Variants in UGT1A9 observed in about 807,000 individuals in gnomAD.
UGT1A9 encodes the protein UDP glucuronosyltransferase family 1 member A9.
A neutral mutation model predicts 45.0 loss-of-function variants in UGT1A9; 35 were observed. The ratio of observed to expected loss-of-function variants is 0.78; its 90% CI spans 0.59 to 1.03. The LOEUF is 1.03. Among genes scored for constraint, UGT1A9 ranks in the 50% least tolerant of loss-of-function variants. The pLI is 0.00. For synonymous variants in UGT1A9, 278 were observed against 250.6 expected, an observed-to-expected ratio of 1.11 and a Z score of -1.03; for missense variants, 687 against 666.6, an observed-to-expected ratio of 1.03 and a Z score of -0.34.
intron 1 of UGT1A9, among the ~76,000 whole-genome samples, chr2:233,709,616 G>A (rs2125616284): frequency 6.6e-6 from 1 of 152,262 alleles, no homozygotes; most frequent in Non-Finnish European, 1.5e-5. Context: ...TTAAATATAG[G>A]TGTTTTGCTG....
Position 233,769,695 on chromosome 2 carries a change from A to G in UGT1A9, c.1295+1256A>G, listed in dbSNP as rs1699919505. ...AATGTGTGTGTGGTGGCACTGGATA[A>G]AAGATCAATGTTGGCTAGGCACCAT... On this transcript the variant is annotated intron_variant, in intron 4 of 4. Transcript: ENST00000354728. The surrounding 1 kb of genome is among the most constrained non-coding windows in gnomAD (Gnocchi z 4.4). The G allele has an allele frequency of 6.5e-7, 1 of 1,540,004 alleles. No individual in the cohort carries two copies. Among genetic ancestry groups the G allele is most frequent in the South Asian group, 1.2e-5 (1 of 81,286 alleles).
intron 1 of UGT1A9, chr2:233,691,380 T>C (rs1212630803): frequency 3.0e-6 from 3 of 985,440 alleles, no homozygotes; most frequent in Non-Finnish European, 3.6e-6. Context: ...CTGGTTATGT[T>C]CCCCATGGGG....
At chr2:233,723,411 T>C in intron 1 of UGT1A9, among the ~76,000 whole-genome samples, 1 of 134,312 alleles carries the variant, frequency 7.4e-6, no homozygotes, top group African/African-American at 3.0e-5. Context: ...GGTTTCACCA[T>C]ACTGGTCAGG....
rs1321809873 is a variant in UGT1A9 at position 233,772,307 on chromosome 2, C to T, written c.1341C>T (p.Arg447=). The change falls in exon 5 of 5, where the codon CGC becomes CGT. Residue 447 remains arginine (R), a synonymous_variant. Coordinates refer to ENST00000354728, the MANE Select transcript of UGT1A9 (RefSeq NM_021027.3). The stretch of plus-strand genomic sequence containing the variant: ...GCCTCTCCAGCCTTCACAAGGACCG[C>T]CCGGTGGAGCCGCTGGACCTGGCCG... ...IMRLSSLHKD[R]PVEPLDLAVF... 1 of 1,614,232 alleles carries T rather than the reference C, an allele frequency of 6.2e-7. No individual in the cohort carries two copies. The highest frequency in any genetic ancestry group is 8.5e-7 in the Non-Finnish European group (1 of 1,180,050).
chr2:233,748,324 T>A (rs1693918932), intron 1 of UGT1A9, among the ~76,000 whole-genome samples: 2 of 151,746 alleles, frequency 1.3e-5, no homozygotes, highest in South Asian at 4.1e-4. Flanking sequence ...AGGACTGATG[T>A]GACTCATGGA....
At position 233,772,407 on chromosome 2, in the gene UGT1A9, T is replaced by C. The variant is rs770903084; in HGVS notation, c.1441T>C (p.Tyr481His). The C allele has an allele frequency of 7.5e-5, 121 of 1,614,104 alleles. No individual in the cohort carries two copies. Among genetic ancestry groups the C allele is most frequent in the Non-Finnish European group, 9.9e-5 (117 of 1,180,046 alleles). ...CCCCGCAGCCCACGACCTCACCTGG[T>C]ACCAGTACCATTCCTTGGACGTGAT... The part of the protein sequence containing the change: ...LRPAAHDLTW[Y>H]QYHSLDVIGF... Residue 481 changes from tyrosine to histidine, a missense_variant, in exon 5 of 5, where the codon TAC becomes CAC. Transcript: ENST00000354728.
chr2:233,675,200 G>A (rs12615708), intron 1 of UGT1A9, among the ~76,000 whole-genome samples: 12,364 of 152,120 alleles, frequency 0.081, 835 homozygotes, highest in East Asian at 0.18. Flanking sequence ...AGATGGCCCC[G>A]TCTTCAATGT....
chr2:233,692,840 A>C, intron 1 of UGT1A9: 1 of 1,451,404 alleles, frequency 6.9e-7, no homozygotes, highest in Non-Finnish European at 9.0e-7. Context: ...AAAATGGTTA[A>C]ATATTAATTT....
chr2:233,682,735 G>A (rs769747988), intron 1 of UGT1A9: 1 of 1,613,896 alleles, frequency 6.2e-7, no homozygotes, highest in Non-Finnish European at 8.5e-7. Context: ...AACCCGTGAT[G>A]CCCAATATGA....
chr2:233,725,038 C>G lies in UGT1A9; in HGVS notation c.856-41996C>G, dbSNP rs1391626503. On this transcript the variant is annotated intron_variant, in intron 1 of 4. Coordinates refer to ENST00000354728, the MANE Select transcript of UGT1A9 (RefSeq NM_021027.3). ...CAGCAAAACCCGGTCTCCACCAAAA[C>G]CAGTCAGGCGTGGCGGCGCGCGCCT... Among the ~76,000 whole-genome samples, 35 of 148,320 alleles carry G rather than the reference C, an allele frequency of 2.4e-4. 2 individuals carry two copies. Among genetic ancestry groups the G allele is most frequent in the Non-Finnish European group, 4.3e-4 (29 of 67,320 alleles).
Position 233,729,933 on chromosome 2 carries a change from C to T in UGT1A9, c.856-37101C>T, listed in dbSNP as rs759524268. The T allele has an allele frequency of 1.9e-5, 31 of 1,614,088 alleles. No homozygotes were observed. The African/African-American group carries it at 3.9e-4, about 20-fold the overall frequency. Reference sequence around the variant, plus strand: ...TTGTGATGGACTACCCCAGGCCAATCATGCCCAACATGGTCTTCATTGGGG... The same window carrying T: ...TTGTGATGGACTACCCCAGGCCAATTATGCCCAACATGGTCTTCATTGGGG... On this transcript the variant is annotated intron_variant, in intron 1 of 4. Transcript: ENST00000354728.
In UGT1A9 at chr2:233,748,281, A is replaced by G. The variant is rs187598208; in HGVS notation, c.856-18753A>G. 1.2e-3 allele frequency among the ~76,000 whole-genome samples: 189 copies of G among 151,888 alleles called. 5 individuals are homozygous for G. The highest frequency in any genetic ancestry group is 4.3e-3 in the African/African-American group (178 of 41,188). ...TTAAATGGTCAATGAGAGGAAGAAG[A>G]GGCAGACATGAATGTTTATCAAAGG... On this transcript the variant is annotated intron_variant, in intron 1 of 4. Coordinates refer to ENST00000354728, the MANE Select transcript of UGT1A9 (RefSeq NM_021027.3).
chr2:233,728,881 C>T (rs529466232), intron 1 of UGT1A9, among the ~76,000 whole-genome samples: 1 of 152,166 alleles, frequency 6.6e-6, no homozygotes. Flanking sequence ...TTGGATGTTC[C>T]CCAGAGTGAG....
At chr2:233,718,209 T>C (rs1050950031) in intron 1 of UGT1A9, among the ~76,000 whole-genome samples, 2 of 152,238 alleles carry the variant, frequency 1.3e-5, no homozygotes, top group Non-Finnish European at 2.9e-5. Flanking sequence ...TTTTTTTATA[T>C]TGACAGCCAC....
chr2:233,706,131 A>G (rs1421239326), intron 1 of UGT1A9, among the ~76,000 whole-genome samples: 3 of 152,176 alleles, frequency 2.0e-5, no homozygotes, highest in Non-Finnish European at 4.4e-5. Context: ...CTGACAGCAA[A>G]GTATTAAACA....
intron 1 of UGT1A9, among the ~76,000 whole-genome samples, chr2:233,684,999 G>T (rs1188810148): frequency 1.3e-5 from 2 of 152,102 alleles, no homozygotes; most frequent in Non-Finnish European, 2.9e-5. Context: ...TGTGTATGTG[G>T]TGTTTGTGCA....
rs144483920 is a variant in UGT1A9 at position 233,744,779 on chromosome 2, C to T, written c.856-22255C>T. On this transcript the variant is annotated intron_variant, in intron 1 of 4. Transcript: ENST00000354728. ...ATAGTTTTAACTTTGCAAAATTCTCCTGAAAAATTCTTGGGGATCCCTAGG... is the reference window on the plus strand; with the variant it reads ...ATAGTTTTAACTTTGCAAAATTCTCTTGAAAAATTCTTGGGGATCCCTAGG... Among the ~76,000 whole-genome samples, 38 of 151,988 alleles carry T rather than the reference C, an allele frequency of 2.5e-4. 2 individuals are homozygous for T. In the East Asian group the frequency reaches 6.6e-3, roughly 26 times the overall value.
intron 1 of UGT1A9, among the ~76,000 whole-genome samples, chr2:233,709,696 T>C (rs554703505): frequency 1.5e-4 from 23 of 152,216 alleles, no homozygotes; most frequent in Non-Finnish European, 2.6e-4. Flanking sequence ...TGGGAAAATT[T>C]TGTTCTTTTT....
intron 1 of UGT1A9, chr2:233,713,304 C>T (rs200200998): frequency 6.2e-7 from 1 of 1,614,230 alleles, no homozygotes; most frequent in Non-Finnish European, 8.5e-7. Context: ...TGAAACAGAA[C>T]ATCTTCTGAT....
Sources: gnomAD v4.1 joint callset for allele counts (sites outside exome capture counted in the v4.1 genomes callset) on GRCh38, gnomAD v4.1.1 for gene constraint, Gnocchi (gnomAD v3.1) non-coding constraint, MANE v1.5 for transcripts, NCBI Gene and HGNC (gene_info 2026-07-23, HGNC 2026-07-21) for gene names.